ALK: variants seen among roughly 807,000 people sequenced by gnomAD.
ALK encodes ALK tyrosine kinase receptor.
In ALK, 74 loss-of-function variants were observed where a neutral mutation model predicts 163.1. The observed-to-expected ratio is 0.45, with a 90% CI of 0.38 to 0.55. The LOEUF is 0.55. Ranked by LOEUF, ALK falls within the 20% of genes least tolerant of loss-of-function variation. ALK has a pLI of 0.00. For missense variants in ALK, 2,063 were observed against 2,105.3 expected (o/e 0.98, Z 0.39); for synonymous variants, 960 against 843.2 (o/e 1.14, Z -2.40).
intron 2 of ALK, among the ~76,000 whole-genome samples, chr2:29,715,143 T>C (rs1255697437): frequency 6.6e-6 from 1 of 152,214 alleles, no homozygotes; most frequent in Non-Finnish European, 1.5e-5. Flanking sequence ...GGTGGTAATG[T>C]CTTCATAAGT....
At position 29,225,519 on chromosome 2, in the gene ALK, A is replaced by G. The variant is rs2148176449; in HGVS notation, c.3114T>C (p.Ser1038=). Residue 1038 remains serine (S), a synonymous_variant, in exon 19 of 29, where the codon TCT becomes TCC. Coordinates refer to ENST00000389048, the MANE Select transcript of ALK (RefSeq NM_004304.5). ...CGGCCACGAGGGCAGAGGTCACCAC[A>G]GAGAGGATCAGCGAGAGTGGCAGGT... ...EPHLPLSLIL[S]VVTSALVAAL... is the part of the protein sequence containing the mutation. 1 of 1,613,472 alleles carries G rather than the reference A, an allele frequency of 6.2e-7. No homozygotes were observed.
intron 3 of ALK, among the ~76,000 whole-genome samples, chr2:29,539,527 G>C (rs528025203): frequency 7.2e-5 from 11 of 152,148 alleles, no homozygotes; most frequent in African/African-American, 2.6e-4. Context: ...CTCAAAAAAA[G>C]GTTTGTAATC....
chr2:29,396,360 C>T (rs890491197), intron 4 of ALK, among the ~76,000 whole-genome samples: 3 of 152,108 alleles, frequency 2.0e-5, no homozygotes, highest in Admixed American at 6.6e-5. Context: ...TTCTACACCC[C>T]GTGTCAGGAA....
At chr2:29,206,841 A>G (rs1157187261) in intron 26 of ALK, among the ~76,000 whole-genome samples, 1 of 148,092 alleles carries the variant, frequency 6.8e-6, no homozygotes, top group African/African-American at 2.6e-5. Flanking sequence ...TCAATCTGCC[A>G]TTTAAAATTA....
intron 9 of ALK, among the ~76,000 whole-genome samples, chr2:29,281,251 T>A (rs1482335690): frequency 1.3e-5 from 2 of 152,080 alleles, no homozygotes; most frequent in East Asian, 3.9e-4. Context: ...CTAGAGAACA[T>A]AGTTACTCCT....
chr2:29,404,677 T>A (rs943278056), intron 4 of ALK, among the ~76,000 whole-genome samples: 11 of 152,206 alleles, frequency 7.2e-5, no homozygotes, highest in African/African-American at 2.7e-4. Flanking sequence ...TTGTAGTAAG[T>A]ACTGGACAGA....
chr2:29,757,060 C>A (rs1680557736), intron 1 of ALK, among the ~76,000 whole-genome samples: 1 of 152,232 alleles, frequency 6.6e-6, no homozygotes, highest in South Asian at 2.1e-4. Context: ...TACAGTTGAG[C>A]AGGATCCTTT....
At chr2:29,791,132 G>A (rs1310696033) in intron 1 of ALK, among the ~76,000 whole-genome samples, 1 of 152,100 alleles carries the variant, frequency 6.6e-6, no homozygotes, top group East Asian at 1.9e-4. Context: ...TCCTATCTCT[G>A]TACCATATGT....
chr2:29,200,629 A>G lies in ALK; in HGVS notation c.3939-2953T>C, dbSNP rs1238667823. Among the ~76,000 whole-genome samples, 14 of 148,546 alleles carry G rather than the reference A, an allele frequency of 9.4e-5. No homozygotes were observed. The Admixed American group carries it at 9.5e-4, about 10-fold the overall frequency. On this transcript the variant is annotated intron_variant, in intron 26 of 28. Coordinates refer to ENST00000389048, the MANE Select transcript of ALK (RefSeq NM_004304.5). ...GGCAAATCTATATTTTGTATGCCAG[A>G]TGGTTCTTTCATCACCTATAAGCCT...
At chr2:29,524,024 C>T (rs2148151079) in intron 4 of ALK, among the ~76,000 whole-genome samples, 1 of 152,152 alleles carries the variant, frequency 6.6e-6, no homozygotes, top group East Asian at 1.9e-4. Flanking sequence ...GGGAGGGTTG[C>T]ACATTTATTC....
At chr2:29,567,979 G>A (rs1307620021) in intron 3 of ALK, among the ~76,000 whole-genome samples, 1 of 152,164 alleles carries the variant, frequency 6.6e-6, no homozygotes, top group African/African-American at 2.4e-5. Flanking sequence ...TGAGAGAAAT[G>A]ACACAGAGAT....
At chr2:29,443,740 G>A (rs1283074226) in intron 4 of ALK, among the ~76,000 whole-genome samples, 2 of 152,188 alleles carry the variant, frequency 1.3e-5, no homozygotes, top group Non-Finnish European at 1.5e-5. Flanking sequence ...AATAACTGGA[G>A]CTCAGGGCCC....
chr2:29,228,926 C>CCCCCCCCCCCCA lies in ALK; in HGVS notation c.2772_2773insTGGGGGGGGGGG (p.Gly924_Gly925insTrpGlyGlyGly). ...CCTCCACCTGAGGAGCACCCCCCTC[C>CCCCCCCCCCCCA]ACCCCCTCCGAAACCCCCTCTTGTC... On this transcript the variant is annotated inframe_insertion, in exon 16 of 29. Transcript: ENST00000389048. 2 of 1,480,206 alleles carry CCCCCCCCCCCCA rather than the reference C, an allele frequency of 1.4e-6. No individual in the cohort carries two copies. The highest frequency in any genetic ancestry group is 2.3e-5 in the South Asian group (2 of 88,220). The allele number at this position is 1,480,206 out of a possible 1,614,324, so 91.7% of individuals were successfully genotyped here. A position where few individuals can be genotyped will look rare whatever the true frequency, so the allele number is the denominator to read the frequency against.
At chr2:29,326,231 G>C (rs569186954) in intron 6 of ALK, among the ~76,000 whole-genome samples, 1 of 152,300 alleles carries the variant, frequency 6.6e-6, no homozygotes, top group Non-Finnish European at 1.5e-5. Flanking sequence ...GAAACCAGTA[G>C]TGGTAAGCTT....
chr2:29,572,465 CT>C (rs1674402413), intron 3 of ALK, among the ~76,000 whole-genome samples: 1 of 152,218 alleles, frequency 6.6e-6, no homozygotes, highest in African/African-American at 2.4e-5. Context: ...CTGAGCACGC[CT>C]GGCTCTCTTG....
intron 1 of ALK, among the ~76,000 whole-genome samples, chr2:29,844,091 T>C (rs79192919): frequency 6.6e-6 from 1 of 152,146 alleles, no homozygotes; most frequent in Non-Finnish European, 1.5e-5. Flanking sequence ...GTTGTATAAG[T>C]TCTGGAAAAG....
intron 2 of ALK, among the ~76,000 whole-genome samples, 173 bp downstream of exon 2, chr2:29,717,405 T>A (rs1242167468): frequency 1.3e-5 from 2 of 151,850 alleles, no homozygotes; most frequent in Non-Finnish European, 2.9e-5. Flanking sequence ...CTGGCTGGAA[T>A]GGTCCACGGG....
At chr2:29,218,959 C>T (rs1038804454) in intron 23 of ALK, among the ~76,000 whole-genome samples, 1 of 152,216 alleles carries the variant, frequency 6.6e-6, no homozygotes, top group Admixed American at 6.5e-5. Flanking sequence ...TTTACAGCTT[C>T]CCAGAGGGGA....
At chr2:29,431,131 C>T (rs1408568297) in intron 4 of ALK, among the ~76,000 whole-genome samples, 1 of 151,652 alleles carries the variant, frequency 6.6e-6, no homozygotes, top group East Asian at 1.9e-4. Flanking sequence ...CAAAGGACAA[C>T]AGTAAGCTAC....
Sources: gnomAD v4.1 joint callset for allele counts (sites outside exome capture counted in the v4.1 genomes callset) on GRCh38, gnomAD v4.1.1 for gene constraint, MANE v1.5 for transcripts, NCBI Gene and HGNC (gene_info 2026-07-23, HGNC 2026-07-21) for gene names.